The following AUTS2 variants were observed in gnomAD, a reference collection of about 807,000 sequenced individuals.
The protein encoded by AUTS2 is autism susceptibility gene 2 protein.
AUTS2 carries 17 observed loss-of-function variants against 112.4 expected under a neutral mutation model. The ratio of observed to expected loss-of-function variants is 0.15; its 90% confidence interval spans 0.10 to 0.23. The LOEUF (loss-of-function observed/expected upper bound fraction) is 0.23. Among genes scored for constraint, AUTS2 ranks in the 10% least tolerant of loss-of-function variants. The pLI is 1.00. For missense variants in AUTS2, 1,510 were observed against 1,701.6 expected, an observed-to-expected ratio of 0.89 and a Z score of 1.98; for synonymous variants, 751 against 702.7, an observed-to-expected ratio of 1.07 and a Z score of -1.09.
intron 4 of AUTS2, among the ~76,000 whole-genome samples, chr7:70,134,955 A>T (rs763813167): frequency 2.0e-5 from 3 of 152,170 alleles, no homozygotes. Flanking sequence ...CTTGAATAAC[A>T]TCTCTTCATA....
intron 6 of AUTS2, among the ~76,000 whole-genome samples, chr7:70,699,757 A>C (rs1809343476): frequency 6.6e-6 from 1 of 152,168 alleles, no homozygotes; most frequent in Non-Finnish European, 1.5e-5. Flanking sequence ...AGTTTGTATA[A>C]ATGTGTTATC....
intron 1 of AUTS2, among the ~76,000 whole-genome samples, chr7:69,705,847 C>A (rs999570202): frequency 2.6e-5 from 4 of 152,074 alleles, no homozygotes; most frequent in African/African-American, 9.7e-5. Context: ...AGATGGCTAC[C>A]TTGCTGTGTC....
intron 2 of AUTS2, among the ~76,000 whole-genome samples, chr7:69,938,696 G>A (rs535324708): frequency 1.3e-5 from 2 of 152,336 alleles, no homozygotes; most frequent in South Asian, 4.1e-4. Flanking sequence ...GGAGTATGTA[G>A]GTGGAGAAGT....
chr7:70,782,621 A>C (rs1379440036), intron 15 of AUTS2: 1 of 152,226 alleles, frequency 6.6e-6, no homozygotes, highest in Non-Finnish European at 1.5e-5. Context: ...GTTAACACTT[A>C]AAAATGATGG....
intron 5 of AUTS2, among the ~76,000 whole-genome samples, chr7:70,577,276 A>C (rs1473054274): frequency 1.3e-5 from 2 of 152,206 alleles, no homozygotes; most frequent in African/African-American, 4.8e-5. Flanking sequence ...CTGGAAGCCT[A>C]GAGCCAGCTT....
chr7:70,721,547 A>G (rs932637056), intron 6 of AUTS2, among the ~76,000 whole-genome samples: 1 of 151,994 alleles, frequency 6.6e-6, no homozygotes, highest in Non-Finnish European at 1.5e-5. Flanking sequence ...TGATCCACCC[A>G]CCTTCTTTTG....
At chr7:70,148,402 A>G (rs1454431753) in intron 4 of AUTS2, among the ~76,000 whole-genome samples, 1 of 152,164 alleles carries the variant, frequency 6.6e-6, no homozygotes, top group African/African-American at 2.4e-5. Context: ...CAAAACAATC[A>G]TCCTTCATCA....
intron 1 of AUTS2, among the ~76,000 whole-genome samples, chr7:69,609,229 C>T (rs1409265148): frequency 6.6e-6 from 1 of 152,110 alleles, no homozygotes; most frequent in Middle Eastern, 3.2e-3. Context: ...GATTGGGAAC[C>T]TTGGAAGGAG....
At chr7:69,936,316 A>G (rs1796407415) in intron 2 of AUTS2, among the ~76,000 whole-genome samples, 1 of 151,928 alleles carries the variant, frequency 6.6e-6, no homozygotes, top group Admixed American at 6.6e-5. Context: ...GGCTTACACC[A>G]TCTGCCCATT....
intron 4 of AUTS2, among the ~76,000 whole-genome samples, chr7:70,242,418 C>T (rs1004198105): frequency 2.0e-5 from 3 of 152,184 alleles, no homozygotes; most frequent in African/African-American, 7.2e-5. Flanking sequence ...ATCCATACTT[C>T]CCCTGCTCTT....
At chr7:70,213,989 T>G (rs554519659) in intron 4 of AUTS2, among the ~76,000 whole-genome samples, 6 of 152,210 alleles carry the variant, frequency 3.9e-5, no homozygotes, top group Non-Finnish European at 8.8e-5. Context: ...AAATATCATT[T>G]CATTCCTGAA....
intron 2 of AUTS2, among the ~76,000 whole-genome samples, chr7:70,090,906 T>G (rs1204633557): frequency 6.6e-6 from 1 of 152,168 alleles, no homozygotes; most frequent in Non-Finnish European, 1.5e-5. Flanking sequence ...CTGGAACTCC[T>G]GACCTCAAGT....
intron 6 of AUTS2, among the ~76,000 whole-genome samples, chr7:70,701,371 C>T (rs1809448559): frequency 6.6e-6 from 1 of 152,184 alleles, no homozygotes; most frequent in African/African-American, 2.4e-5. Context: ...AGTCATTTAC[C>T]CTCTTTAGGT....
chr7:70,431,919 C>T (rs1203502715), intron 4 of AUTS2, among the ~76,000 whole-genome samples: 1 of 152,214 alleles, frequency 6.6e-6, no homozygotes, highest in Non-Finnish European at 1.5e-5. Context: ...TTTGGCCAGG[C>T]GTGCACACGT....
intron 1 of AUTS2, among the ~76,000 whole-genome samples, chr7:69,725,796 T>C (rs1786480870): frequency 6.6e-6 from 1 of 152,170 alleles, no homozygotes; most frequent in Non-Finnish European, 1.5e-5. Context: ...ATGTGTACTG[T>C]GATGTACAAG....
chr7:70,649,567 C>T (rs1394169972), intron 5 of AUTS2, among the ~76,000 whole-genome samples: 1 of 151,672 alleles, frequency 6.6e-6, no homozygotes, highest in East Asian at 1.9e-4. Context: ...CTCGCACTGT[C>T]ACCCGGGCTG....
intron 1 of AUTS2, among the ~76,000 whole-genome samples, chr7:69,799,857 C>T (rs1406859162): frequency 2.6e-5 from 4 of 152,014 alleles, no homozygotes; most frequent in Admixed American, 2.6e-4. Flanking sequence ...GTGTGTGTTC[C>T]TTTTGTCTGG....
intron 6 of AUTS2, among the ~76,000 whole-genome samples, chr7:70,749,861 T>C (rs1300790830): frequency 6.6e-6 from 1 of 152,218 alleles, no homozygotes; most frequent in Non-Finnish European, 1.5e-5. Flanking sequence ...GGGACAAGAA[T>C]GATACTGGGA....
intron 1 of AUTS2, among the ~76,000 whole-genome samples, chr7:69,630,311 AG>A (rs1357491280): frequency 1.3e-5 from 2 of 152,220 alleles, no homozygotes; most frequent in Non-Finnish European, 2.9e-5. Flanking sequence ...TATCCATGTC[AG>A]GAATTTCCTC....
Sources: gnomAD v4.1 joint callset for allele counts (sites outside exome capture counted in the v4.1 genomes callset) on GRCh38, gnomAD v4.1.1 for gene constraint, MANE v1.5 for transcripts, NCBI Gene and HGNC (gene_info 2026-07-23, HGNC 2026-07-21) for gene names.